Variants in SMAD3 observed in about 807,000 individuals in gnomAD.
SMAD3 encodes SMAD family member 3.
In SMAD3, 12 loss-of-function variants were observed where a neutral mutation model predicts 51.8. That is an observed-to-expected ratio of 0.23 (90% CI 0.15 to 0.38). The LOEUF is 0.38. Among genes scored for constraint, SMAD3 ranks in the 10% least tolerant of loss-of-function variants. SMAD3 has a pLI of 1.00. For missense variants in SMAD3, 294 were observed against 565.6 expected (o/e 0.52, Z 4.87); for synonymous variants, 238 against 227.7 (o/e 1.05, Z -0.41).
intron 8 of SMAD3, 49 bp downstream of exon 8, chr15:67,187,558 C>G (rs753970571): frequency 1.9e-6 from 3 of 1,609,730 alleles, no homozygotes; most frequent in Middle Eastern, 1.6e-4. Flanking sequence ...CCAGGTGACT[C>G]TGGACAGCAG....
intron 1 of SMAD3, chr15:67,142,931 A>C (rs1000127686): frequency 4.9e-6 from 2 of 412,144 alleles, no homozygotes; most frequent in Admixed American, 5.4e-5. Flanking sequence ...CCTGGGTTGG[A>C]ACATCCTCCT....
Position 67,192,762 on chromosome 15 carries a change from G to GA in SMAD3, c.*2226_*2227insA, listed in dbSNP as rs1254484783. On this transcript the variant is annotated 3_prime_UTR_variant, in exon 9 of 9. Transcript: ENST00000327367. ...AGTCGTGTCTTACTCCAGGTGAAGG[G>GA]GGAAAAAAAAAGCCTATACTTTGGC... 11 of 231,416 alleles carry GA rather than the reference G, an allele frequency of 4.8e-5. No homozygotes were observed. The highest frequency in any genetic ancestry group is 6.8e-5 in the Non-Finnish European group (8 of 116,870). 14.3% of individuals were successfully genotyped at this position (231,416 alleles called of 1,614,324 possible). A position where few individuals can be genotyped will look rare whatever the true frequency, so the allele number is the denominator to read the frequency against.
chr15:67,103,088 T>C (rs560837085), intron 1 of SMAD3, among the ~76,000 whole-genome samples: 2 of 152,184 alleles, frequency 1.3e-5, no homozygotes, highest in East Asian at 1.9e-4. Context: ...TTTGGCTCTT[T>C]TCTGTGAAGG....
intron 1 of SMAD3, among the ~76,000 whole-genome samples, chr15:67,090,328 C>T (rs1423071457): frequency 6.6e-6 from 1 of 152,122 alleles, no homozygotes; most frequent in Non-Finnish European, 1.5e-5. Flanking sequence ...ACAGGCATTT[C>T]ACCTCTCTGA....
intron 1 of SMAD3, among the ~76,000 whole-genome samples, chr15:67,076,829 T>G (rs1203209510): frequency 6.6e-6 from 1 of 152,228 alleles, no homozygotes; most frequent in African/African-American, 2.4e-5. Flanking sequence ...AGGTCTGTTT[T>G]ACTTGAGGGC....
At chr15:67,140,558 G>A (rs531264622) in intron 1 of SMAD3, among the ~76,000 whole-genome samples, 1 of 152,308 alleles carries the variant, frequency 6.6e-6, no homozygotes, top group South Asian at 2.1e-4. Context: ...AGAATCCTTG[G>A]TATGACAGGT....
intron 1 of SMAD3, among the ~76,000 whole-genome samples, chr15:67,143,481 C>G (rs933715567): frequency 1.3e-5 from 2 of 152,224 alleles, no homozygotes; most frequent in African/African-American, 4.8e-5. Context: ...GTAGCCCAGG[C>G]TGGAGTACAG....
At chr15:67,092,384 T>C (rs1480788184) in intron 1 of SMAD3, among the ~76,000 whole-genome samples, 2 of 152,214 alleles carry the variant, frequency 1.3e-5, no homozygotes, top group African/African-American at 4.8e-5. Flanking sequence ...AGCTGTTAGG[T>C]GAACACTTTA....
At chr15:67,182,994 AAAAAAAATATAT>A (rs1166831536) in intron 6 of SMAD3, among the ~76,000 whole-genome samples, 2 of 55,432 alleles carry the variant, frequency 3.6e-5, no homozygotes, top group African/African-American at 1.6e-4. Flanking sequence ...ATTAAAAAAA[AAAAAAAATATAT>A]ATATATATAT....
chr15:67,071,935 C>T lies in SMAD3; in HGVS notation c.206+5575C>T, dbSNP rs188611920. ...ACACTTGCTGAGAATAAATCCTAGA[C>T]GCCTGAGTTTCTGAATGAACATAGG... On this transcript the variant is annotated intron_variant, in intron 1 of 8. Coordinates refer to ENST00000327367, the MANE Select transcript of SMAD3 (RefSeq NM_005902.4). 6.6e-5 allele frequency among the ~76,000 whole-genome samples: 10 copies of T among 152,286 alleles called. No individual in the cohort carries two copies. In the South Asian group the frequency reaches 1.7e-3, roughly 25 times the overall value.
chr15:67,109,098 A>G (rs761243277), intron 1 of SMAD3, among the ~76,000 whole-genome samples: 4 of 152,338 alleles, frequency 2.6e-5, no homozygotes, highest in African/African-American at 9.6e-5. Context: ...CTGATAAAGC[A>G]TGGTCACTTC....
chr15:67,090,068 G>T (rs916828156), intron 1 of SMAD3, among the ~76,000 whole-genome samples: 6 of 152,206 alleles, frequency 3.9e-5, no homozygotes, highest in African/African-American at 1.2e-4. Context: ...GTGTGCACGA[G>T]GGGGAGGCAC....
At chr15:67,159,260 G>A (rs1359162328) in intron 1 of SMAD3, among the ~76,000 whole-genome samples, 1 of 152,004 alleles carries the variant, frequency 6.6e-6, no homozygotes, top group African/African-American at 2.4e-5. Context: ...TTGTAGAGAT[G>A]GGGTTTCACC....
At chr15:67,103,194 T>C (rs1191301133) in intron 1 of SMAD3, among the ~76,000 whole-genome samples, 1 of 152,204 alleles carries the variant, frequency 6.6e-6, no homozygotes, top group Non-Finnish European at 1.5e-5. Flanking sequence ...CTTAACTCCT[T>C]GCCCCTGCCT....
intron 1 of SMAD3, among the ~76,000 whole-genome samples, chr15:67,160,590 T>C (rs570317724): frequency 3.7e-4 from 56 of 151,982 alleles, no homozygotes; most frequent in African/African-American, 1.3e-3. Context: ...GGTTAACACA[T>C]GAAACCCCGT....
intron 4 of SMAD3, among the ~76,000 whole-genome samples, chr15:67,167,119 A>G (rs1255624879): frequency 6.6e-6 from 1 of 152,156 alleles, no homozygotes; most frequent in African/African-American, 2.4e-5. Context: ...CACCAGGCAC[A>G]CAGCAGGGCC....
intron 1 of SMAD3, among the ~76,000 whole-genome samples, chr15:67,136,985 CTCCTGGTGG>C (rs1961681859): frequency 6.6e-6 from 1 of 152,202 alleles, no homozygotes; most frequent in Non-Finnish European, 1.5e-5. Flanking sequence ...GGCTGGGCAT[CTCCTGGTGG>C]TCTACCCACC....
chr15:67,143,315 T>G (rs1385856592), intron 1 of SMAD3, among the ~76,000 whole-genome samples: 1 of 152,256 alleles, frequency 6.6e-6, no homozygotes, highest in African/African-American at 2.4e-5. Context: ...AATGTTTTAG[T>G]ATTTAGAGTT....
chr15:67,105,998 TCTC>T (rs778286860), intron 1 of SMAD3, among the ~76,000 whole-genome samples: 14 of 152,062 alleles, frequency 9.2e-5, no homozygotes, highest in Non-Finnish European at 1.6e-4. Flanking sequence ...TTTAGCCTCT[TCTC>T]CTTCTCCCTC....
Sources: gnomAD v4.1 joint callset for allele counts (sites outside exome capture counted in the v4.1 genomes callset) on GRCh38, gnomAD v4.1.1 for gene constraint, MANE v1.5 for transcripts, NCBI Gene and HGNC (gene_info 2026-07-23, HGNC 2026-07-21) for gene names.